The following NALF1 variants were observed in gnomAD, a reference collection of about 807,000 sequenced individuals.
NALF1 encodes the protein NALCN channel auxiliary factor 1.
A neutral mutation model predicts 48.4 loss-of-function variants in NALF1; 3 were observed. The ratio of observed to expected loss-of-function variants is 0.06; its 90% confidence interval spans 0.03 to 0.16. NALF1 has a LOEUF of 0.16. NALF1 is among the 10% of genes least tolerant of loss of function. NALF1 has a pLI of 1.00. For synonymous variants in NALF1, 262 were observed against 245.7 expected (o/e 1.07, Z -0.62); for missense variants, 526 against 571.5 (o/e 0.92, Z 0.81).
At chr13:107,438,843 AAAAAAAAAGAAT>A (rs1339909534) in intron 1 of NALF1, among the ~76,000 whole-genome samples, 3 of 147,810 alleles carry the variant, frequency 2.0e-5, no homozygotes, top group South Asian at 2.1e-4. Context: ...AAAAAAAAAA[AAAAAAAAAGAAT>A]AATATAAAGG....
At chr13:107,178,333 TA>T (rs1878983473) in intron 2 of NALF1, among the ~76,000 whole-genome samples, 2 of 152,218 alleles carry the variant, frequency 1.3e-5, no homozygotes, top group African/African-American at 2.4e-5. Context: ...GCAGAATACA[TA>T]AGGGGCTGAA....
intron 1 of NALF1, among the ~76,000 whole-genome samples, chr13:107,465,615 GA>G (rs1056203231): frequency 1.3e-5 from 2 of 152,124 alleles, no homozygotes; most frequent in African/African-American, 2.4e-5. Context: ...ACTTGGAATG[GA>G]ATCCTACTCC....
At chr13:107,853,251 T>C (rs891444820) in intron 1 of NALF1, among the ~76,000 whole-genome samples, 11 of 152,168 alleles carry the variant, frequency 7.2e-5, no homozygotes, top group Admixed American at 5.2e-4. Flanking sequence ...TGTGAGAAAA[T>C]TTAATATCCA....
intron 1 of NALF1, among the ~76,000 whole-genome samples, chr13:107,481,040 CAA>C (rs1272872022): frequency 6.6e-6 from 1 of 151,986 alleles, no homozygotes; most frequent in East Asian, 1.9e-4. Context: ...TGAACAAGAT[CAA>C]GATTTGAATA....
intron 1 of NALF1, among the ~76,000 whole-genome samples, chr13:107,322,163 G>A (rs1370608049): frequency 6.6e-6 from 1 of 152,064 alleles, no homozygotes; most frequent in African/African-American, 2.4e-5. Context: ...TTTTGTATAT[G>A]CTCTGTAATT....
chr13:107,214,548 C>T (rs552185955), intron 1 of NALF1, among the ~76,000 whole-genome samples: 48 of 152,294 alleles, frequency 3.2e-4, no homozygotes, highest in African/African-American at 1.1e-3. Flanking sequence ...TCCACCCACT[C>T]TTCCCCTTGA....
rs538989096 is a variant in NALF1, at chr13:107,567,235, A to G, written c.915+298447T>C. 4.2e-3 allele frequency among the ~76,000 whole-genome samples: 633 copies of G among 152,322 alleles called. 5 individuals carry two copies. Among genetic ancestry groups the G allele is most frequent in the African/African-American group, 0.015 (607 of 41,576 alleles). On this transcript the variant is annotated intron_variant, in intron 1 of 2. Coordinates refer to ENST00000375915, the MANE Select transcript of NALF1 (RefSeq NM_001080396.3). Reference sequence around the variant, plus strand: ...ATATGTACACTATCTGTATATATACATGCTGAATATAGATTCTTCCCCATA... The same window carrying G: ...ATATGTACACTATCTGTATATATACGTGCTGAATATAGATTCTTCCCCATA...
chr13:107,567,031 A>C (rs1433639739), intron 1 of NALF1, among the ~76,000 whole-genome samples: 1 of 152,252 alleles, frequency 6.6e-6, no homozygotes, highest in Non-Finnish European at 1.5e-5. Flanking sequence ...AGGCATAAAA[A>C]TAACAAATAT....
intron 1 of NALF1, among the ~76,000 whole-genome samples, chr13:107,333,401 T>C (rs912341106): frequency 1.3e-5 from 2 of 152,142 alleles, no homozygotes; most frequent in African/African-American, 4.8e-5. Flanking sequence ...AACATGGCAC[T>C]CATAGGCTTC....
At chr13:107,492,721 A>G (rs1010572218) in intron 1 of NALF1, among the ~76,000 whole-genome samples, 2 of 152,222 alleles carry the variant, frequency 1.3e-5, no homozygotes, top group Admixed American at 6.5e-5. Context: ...CTATGATTGA[A>G]AAAAGATTAA....
At chr13:107,693,482 A>G (rs1881620860) in intron 1 of NALF1, among the ~76,000 whole-genome samples, 1 of 152,186 alleles carries the variant, frequency 6.6e-6, no homozygotes, top group South Asian at 2.1e-4. Flanking sequence ...AAAAAATGAA[A>G]ATAAAAAAAC....
chr13:107,517,748 T>G (rs1380149405), intron 1 of NALF1, among the ~76,000 whole-genome samples: 1 of 151,838 alleles, frequency 6.6e-6, no homozygotes, highest in Non-Finnish European at 1.5e-5. Flanking sequence ...TGAGGTCAGG[T>G]GTTCGAGACC....
At chr13:107,341,561 T>C (rs1468337207) in intron 1 of NALF1, among the ~76,000 whole-genome samples, 1 of 151,994 alleles carries the variant, frequency 6.6e-6, no homozygotes, top group Non-Finnish European at 1.5e-5. Flanking sequence ...GTGGTGAGGA[T>C]TAAAATTATA....
intron 1 of NALF1, among the ~76,000 whole-genome samples, chr13:107,225,889 T>C (rs1880093154): frequency 6.6e-6 from 1 of 152,036 alleles, no homozygotes; most frequent in South Asian, 2.1e-4. Context: ...TGTCGTTAGC[T>C]TATCAAGGAA....
Position 107,867,265 on chromosome 13 carries a change from G to A in NALF1, c.-669C>T, listed in dbSNP as rs1390827768. Among the ~76,000 whole-genome samples, 2 of 140,942 alleles carry A rather than the reference G, an allele frequency of 1.4e-5. No individual in the cohort carries two copies. The highest frequency in any genetic ancestry group is 1.4e-4 in the Admixed American group (2 of 14,398). The allele number at this position is 140,942 out of a possible 152,430, so 92.5% of individuals were successfully genotyped here. On this transcript the variant is annotated 5_prime_UTR_variant, in exon 1 of 3. Coordinates refer to ENST00000375915, the MANE Select transcript of NALF1 (RefSeq NM_001080396.3). This position sits in a 1 kb window ranked among gnomAD's most constrained non-coding sequence, Gnocchi z 4.4. ...GAGCCTGGGCTGCCTCCGGCGGGGC[G>A]CTCCCTCCCCCCCACCCCCCACCCC...
intron 1 of NALF1, among the ~76,000 whole-genome samples, chr13:107,689,785 T>A (rs983136029): frequency 4.6e-5 from 7 of 152,206 alleles, no homozygotes; most frequent in African/African-American, 1.4e-4. Flanking sequence ...TTTGAAAACA[T>A]TTCAGGCTCT....
rs141173845 is a variant in NALF1 at position 107,299,385 on chromosome 13, G to A, written c.916-88630C>T. 2.7e-3 allele frequency among the ~76,000 whole-genome samples: 405 copies of A among 150,880 alleles called. 2 individuals are homozygous for A. The highest frequency in any genetic ancestry group is 9.3e-3 in the African/African-American group (381 of 41,120). On this transcript the variant is annotated intron_variant, in intron 1 of 2. Transcript: ENST00000375915. ...CCAGGAGGCGGAGGTAGCAGTGAGCGAGATCCTGCCACCGCACTCCAGCCT... is the reference window on the plus strand; with the variant it reads ...CCAGGAGGCGGAGGTAGCAGTGAGCAAGATCCTGCCACCGCACTCCAGCCT...
chr13:107,695,396 T>G (rs1458801932), intron 1 of NALF1, among the ~76,000 whole-genome samples: 2 of 152,180 alleles, frequency 1.3e-5, no homozygotes, highest in Non-Finnish European at 2.9e-5. Flanking sequence ...AAGTCGACCG[T>G]AAGGTTATAG....
At chr13:107,193,738 C>T (rs756382875) in intron 2 of NALF1, among the ~76,000 whole-genome samples, 2 of 152,104 alleles carry the variant, frequency 1.3e-5, no homozygotes, top group Admixed American at 6.6e-5. Context: ...TCTAGCGCCA[C>T]GTGTCTATGA....
Sources: allele counts gnomAD v4.1 joint callset (sites outside exome capture counted in the v4.1 genomes callset), GRCh38; gene constraint gnomAD v4.1.1; non-coding constraint Gnocchi (gnomAD v3.1); transcripts MANE v1.5; gene names NCBI Gene and HGNC (gene_info 2026-07-23, HGNC 2026-07-21).